Variants in PCDH15 observed in about 807,000 individuals in gnomAD.
The protein encoded by PCDH15 is protocadherin-15.
A neutral mutation model predicts 178.5 loss-of-function variants in PCDH15; 129 were observed. That is an observed-to-expected ratio of 0.72 (90% CI 0.63 to 0.84). The LOEUF (loss-of-function observed/expected upper bound fraction) is 0.84. Ranked by LOEUF, PCDH15 falls within the 40% of genes least tolerant of loss-of-function variation. The pLI, the probability that PCDH15 is intolerant of heterozygous loss-of-function variation, is 0.00. For missense variants in PCDH15, 2,230 were observed against 2,099.9 expected (o/e 1.06, Z -1.21); for synonymous variants, 800 against 732.0 (o/e 1.09, Z -1.50).
At chr10:54,305,486 T>C (rs114970532) in intron 8 of PCDH15, among the ~76,000 whole-genome samples, 1,917 of 152,190 alleles carry the variant, frequency 0.013, 38 homozygotes, top group African/African-American at 0.041. Flanking sequence ...AGGGAAGTTT[T>C]AATTTATTCC....
intron 1 of PCDH15, among the ~76,000 whole-genome samples, chr10:55,251,131 C>A (rs913819341): frequency 2.0e-5 from 3 of 151,994 alleles, no homozygotes; most frequent in African/African-American, 7.2e-5. Flanking sequence ...ATCAGTATAT[C>A]GACATTGATA....
At chr10:54,945,364 T>TATAGATAGATAG (rs59385596) in intron 2 of PCDH15, among the ~76,000 whole-genome samples, 30 of 146,146 alleles carry the variant, frequency 2.1e-4, no homozygotes, top group East Asian at 4.0e-4. Context: ...TAGATAGATA[T>TATAGATAGATAG]ATAGATAGAT....
chr10:55,316,314 C>T (rs908576119), intron 1 of PCDH15, among the ~76,000 whole-genome samples: 1 of 151,992 alleles, frequency 6.6e-6, no homozygotes, highest in Non-Finnish European at 1.5e-5. Context: ...AGATTCACAA[C>T]CTAGATTAAT....
intron 6 of PCDH15, among the ~76,000 whole-genome samples, chr10:54,333,851 G>A (rs1287498248): frequency 6.6e-6 from 1 of 152,126 alleles, no homozygotes; most frequent in Non-Finnish European, 1.5e-5. Flanking sequence ...AAGTCTAAGA[G>A]TGACTGCACT....
At chr10:54,871,910 T>C (rs772790065) in intron 3 of PCDH15, among the ~76,000 whole-genome samples, 2 of 152,098 alleles carry the variant, frequency 1.3e-5, no homozygotes, top group Non-Finnish European at 2.9e-5. Flanking sequence ...GTGAGTGTAA[T>C]ACTTTCCAGA....
intron 18 of PCDH15, among the ~76,000 whole-genome samples, chr10:54,057,071 C>A (rs2135701857): frequency 6.6e-6 from 1 of 152,298 alleles, no homozygotes; most frequent in African/African-American, 2.4e-5. Flanking sequence ...ACCCCTGTGA[C>A]TTTGAAGGGT....
intron 14 of PCDH15, among the ~76,000 whole-genome samples, chr10:54,137,495 A>G (rs114874421): frequency 0.011 from 1,703 of 152,180 alleles, 34 homozygotes; most frequent in African/African-American, 0.039. Flanking sequence ...GAAACTTAAC[A>G]TTTGTTTTAT....
rs543454844 is a variant in PCDH15 at position 54,124,805 on chromosome 10, G to A, written c.1917+8070C>T. Among the ~76,000 whole-genome samples the A allele has an allele frequency of 1.4e-4, 22 of 152,252 alleles. No homozygotes were observed. In the South Asian group the frequency reaches 3.3e-3, roughly 23 times the overall value. ...AAATATTCATCAAAAAAGGGAAAGA[G>A]AAGTAAAAACCCTGAAATTTCTAGA... is the stretch of plus-strand genomic sequence containing the variant. On this transcript the variant is annotated intron_variant, in intron 15 of 37. Coordinates refer to ENST00000644397, the MANE Select transcript of PCDH15 (RefSeq NM_001384140.1).
At chr10:54,843,751 A>G (rs1284870491) in intron 3 of PCDH15, among the ~76,000 whole-genome samples, 1 of 152,046 alleles carries the variant, frequency 6.6e-6, no homozygotes, top group Admixed American at 6.6e-5. Flanking sequence ...AAATAAAGTT[A>G]AAAAGTAGTA....
At chr10:55,503,841 T>A (rs1207720985) in intron 2 of PCDH15, among the ~76,000 whole-genome samples, 5 of 151,418 alleles carry the variant, frequency 3.3e-5, no homozygotes, top group African/African-American at 1.2e-4. Context: ...GGAGATTCTC[T>A]GGCAACTGTT....
intron 18 of PCDH15, among the ~76,000 whole-genome samples, chr10:54,043,206 T>C (rs1168385799): frequency 1.3e-5 from 2 of 152,066 alleles, no homozygotes; most frequent in East Asian, 3.9e-4. Flanking sequence ...TTGCTAAATA[T>C]AACAAAGGTG....
rs761496988 is a variant in PCDH15 at position 54,066,846 on chromosome 10, T to C, written c.2131A>G (p.Asn711Asp). Reference protein sequence around the residue: ...ATVNIVVTDVNDNAPVFDPYL... With the variant: ...ATVNIVVTDVDDNAPVFDPYL... ...GGATCAAACACTGGAGCATTGTCAT[T>C]GACATCTGTCACCACTATGTTTACT... Residue 711 changes from asparagine (N) to aspartate (D), a missense_variant, in exon 18 of 38, where the codon AAT becomes GAT. By Grantham distance (23) the Asn-to-Asp change is conservative. Transcript: ENST00000644397. 6 of 1,613,452 alleles carry C rather than the reference T, an allele frequency of 3.7e-6. No homozygotes were observed. In the South Asian group the frequency reaches 6.6e-5, roughly 18 times the overall value.
intron 14 of PCDH15, among the ~76,000 whole-genome samples, chr10:54,145,563 C>G (rs561132054): frequency 6.6e-6 from 1 of 151,904 alleles, no homozygotes; most frequent in African/African-American, 2.4e-5. Flanking sequence ...TATAGGAGGA[C>G]AGAGAAAACT....
intron 12 of PCDH15, among the ~76,000 whole-genome samples, chr10:54,184,579 G>A (rs1326011890): frequency 6.6e-6 from 1 of 151,468 alleles, no homozygotes; most frequent in Non-Finnish European, 1.5e-5. Context: ...CAGTGCTATT[G>A]ACACCTTGGG....
intron 2 of PCDH15, among the ~76,000 whole-genome samples, chr10:54,648,815 T>G (rs2094191657): frequency 6.6e-6 from 1 of 152,148 alleles, no homozygotes. Context: ...TGATATATAT[T>G]TTTTTCCTGG....
intron 28 of PCDH15, among the ~76,000 whole-genome samples, chr10:53,845,123 C>T (rs949140476): frequency 2.0e-5 from 3 of 151,786 alleles, no homozygotes; most frequent in Admixed American, 6.6e-5. Context: ...AAAAAATGCT[C>T]GACATCACTA....
intron 5 of PCDH15, among the ~76,000 whole-genome samples, chr10:54,349,114 AAAAC>A (rs1212884091): frequency 2.6e-5 from 4 of 152,344 alleles, no homozygotes; most frequent in Non-Finnish European, 4.4e-5. Flanking sequence ...AAATCAAAAT[AAAAC>A]AAACAAATTT....
chr10:54,512,431 A>G lies in PCDH15; in HGVS notation c.157+15381T>C, dbSNP rs1430497683. Among the ~76,000 whole-genome samples, 3 of 148,466 alleles carry G rather than the reference A, an allele frequency of 2.0e-5. No individual in the cohort carries two copies. The South Asian group carries it at 6.4e-4, about 32-fold the overall frequency. ...ATTGGGGGATGATGCGTATATGTCT[A>G]CCAATTAACTGTACATACAATAATA... On this transcript the variant is annotated intron_variant, in intron 3 of 37. Transcript: ENST00000644397.
intron 2 of PCDH15, among the ~76,000 whole-genome samples, chr10:55,433,366 C>T (rs1265355246): frequency 6.6e-6 from 1 of 151,966 alleles, no homozygotes; most frequent in Non-Finnish European, 1.5e-5. Context: ...GGTAGCTAAA[C>T]ATTGAATACA....
Sources: gnomAD v4.1 joint callset for allele counts (sites outside exome capture counted in the v4.1 genomes callset) on GRCh38, gnomAD v4.1.1 for gene constraint, MANE v1.5 for transcripts, NCBI Gene and HGNC (gene_info 2026-07-23, HGNC 2026-07-21) for gene names.